The following MINDY3 variants were observed in gnomAD, a reference collection of about 807,000 sequenced individuals.
MINDY3 encodes ubiquitin carboxyl-terminal hydrolase MINDY-3.
MINDY3 carries 38 observed loss-of-function variants against 69.2 expected under a neutral mutation model. The ratio of observed to expected loss-of-function variants is 0.55; its 90% confidence interval spans 0.42 to 0.72. The LOEUF (loss-of-function observed/expected upper bound fraction) is 0.72, where lower values mean the gene tolerates loss of function less well. Ranked by LOEUF, MINDY3 falls within the 30% of genes least tolerant of loss-of-function variation. The pLI is 0.00. For synonymous variants in MINDY3, 192 were observed against 180.1 expected, an observed-to-expected ratio of 1.07 and a Z score of -0.53; for missense variants, 522 against 519.0, an observed-to-expected ratio of 1.01 and a Z score of -0.06.
At chr10:15,788,451 G>A (rs557288966) in intron 12 of MINDY3, among the ~76,000 whole-genome samples, 4 of 151,982 alleles carry the variant, frequency 2.6e-5, no homozygotes, top group South Asian at 2.1e-4. Context: ...TTCTAAAAAC[G>A]GTGTCTACCA....
chr10:15,803,116 ATTTAAACCTTGTTTAAATTTATGT>A (rs2131916304), intron 10 of MINDY3, among the ~76,000 whole-genome samples: 1 of 152,272 alleles, frequency 6.6e-6, no homozygotes, highest in Non-Finnish European at 1.5e-5. Context: ...ATGATCTTTT[ATTTAAACCTTGTTTAAATTTATGT>A]AATGTTTAAA....
chr10:15,845,831 T>A (rs964439720), intron 2 of MINDY3, among the ~76,000 whole-genome samples: 3 of 142,624 alleles, frequency 2.1e-5, no homozygotes, highest in Admixed American at 7.0e-5. Context: ...TTTTTTTTTT[T>A]TTTTTTTTTG....
At position 15,809,024 on chromosome 10, in the gene MINDY3, A is replaced by C. The variant is rs1485010630; in HGVS notation, c.882+7811T>G. 2.0e-5 allele frequency among the ~76,000 whole-genome samples: 3 copies of C among 152,200 alleles called. No homozygotes were observed. The East Asian group carries it at 5.8e-4, about 29-fold the overall frequency. ...ACATTCTAAATTCTAGTAATATTTA[A>C]AGTAGATTTTCAGATTTAAAGTGCC... On this transcript the variant is annotated intron_variant, in intron 10 of 14. Coordinates refer to ENST00000277632, the MANE Select transcript of MINDY3 (RefSeq NM_024948.4).
chr10:15,789,045 G>T, intron 12 of MINDY3: 1 of 416,560 alleles, frequency 2.4e-6, no homozygotes, highest in Non-Finnish European at 4.3e-6. Flanking sequence ...GTAATTGCTG[G>T]GTGGGAAAGG....
chr10:15,805,581 ATTAT>A (rs1838582155), intron 10 of MINDY3, among the ~76,000 whole-genome samples: 1 of 152,094 alleles, frequency 6.6e-6, no homozygotes, highest in Non-Finnish European at 1.5e-5. Context: ...TTCTAAGAGG[ATTAT>A]TTGTCACTGT....
At chr10:15,844,107 C>A (rs552295634) in intron 2 of MINDY3, among the ~76,000 whole-genome samples, 2 of 152,228 alleles carry the variant, frequency 1.3e-5, no homozygotes, top group South Asian at 4.1e-4. Context: ...CTAAAAATAA[C>A]TGTACAAACT....
At chr10:15,800,836 C>T (rs1838206839) in intron 10 of MINDY3, among the ~76,000 whole-genome samples, 1 of 152,100 alleles carries the variant, frequency 6.6e-6, no homozygotes, top group South Asian at 2.1e-4. Flanking sequence ...TTGCAAAATA[C>T]CTCCTTGTAC....
intron 8 of MINDY3, among the ~76,000 whole-genome samples, chr10:15,827,383 G>C (rs926381367): frequency 1.3e-5 from 2 of 151,386 alleles, no homozygotes; most frequent in Non-Finnish European, 3.0e-5. Flanking sequence ...CTCTACTAAA[G>C]ATACAAAATT....
intron 10 of MINDY3, among the ~76,000 whole-genome samples, chr10:15,810,277 T>C: frequency 6.6e-6 from 1 of 152,176 alleles, no homozygotes; most frequent in Admixed American, 6.6e-5. Flanking sequence ...AGTAAATTGT[T>C]CATTTCAAAA....
chr10:15,802,844 C>T (rs1472139934), intron 10 of MINDY3, among the ~76,000 whole-genome samples: 2 of 151,924 alleles, frequency 1.3e-5, no homozygotes, highest in African/African-American at 4.8e-5. Context: ...CTCTTTTGGT[C>T]TCAGTCATAT....
chr10:15,813,458 AATAAATTCTTACAGCAT>A (rs1839146961), intron 10 of MINDY3, among the ~76,000 whole-genome samples: 1 of 152,202 alleles, frequency 6.6e-6, no homozygotes, highest in African/African-American at 2.4e-5. Flanking sequence ...CCAAAACTAC[AATAAATTCTTACAGCAT>A]TATGGACCTG....
intron 10 of MINDY3, among the ~76,000 whole-genome samples, chr10:15,806,226 G>C (rs929796575): frequency 6.6e-6 from 1 of 152,124 alleles, no homozygotes; most frequent in African/African-American, 2.4e-5. Context: ...CCTATTGAGA[G>C]CAGTCTATAT....
chr10:15,820,127 A>C (rs1008261680), intron 9 of MINDY3, among the ~76,000 whole-genome samples: 3 of 152,200 alleles, frequency 2.0e-5, no homozygotes, highest in Non-Finnish European at 2.9e-5. Context: ...ATTCCTATTA[A>C]ATATTGTGGA....
At chr10:15,801,180 T>TG (rs1174998968) in intron 10 of MINDY3, among the ~76,000 whole-genome samples, 4 of 151,894 alleles carry the variant, frequency 2.6e-5, no homozygotes, top group Admixed American at 6.6e-5. Context: ...TATTCCGGCA[T>TG]GGGGGGGAAA....
intron 11 of MINDY3, among the ~76,000 whole-genome samples, chr10:15,792,806 A>G (rs1355152860): frequency 2.6e-5 from 4 of 152,092 alleles, no homozygotes; most frequent in African/African-American, 9.7e-5. Flanking sequence ...CATTATGTAT[A>G]ATGTGAAAAC....
rs542043571 is a variant in MINDY3, at chr10:15,825,526, T to C, written c.731-3800A>G. ...ACACCCAGCCTAACTGATTATCTTATATAAAAGAGAATGAAACAAACCATC... is the reference window on the plus strand; with the variant it reads ...ACACCCAGCCTAACTGATTATCTTACATAAAAGAGAATGAAACAAACCATC... On this transcript the variant is annotated intron_variant, in intron 8 of 14. Transcript: ENST00000277632. 3.3e-5 allele frequency among the ~76,000 whole-genome samples: 5 copies of C among 152,324 alleles called. No homozygotes were observed. In the East Asian group the frequency reaches 7.7e-4, roughly 23 times the overall value.
chr10:15,858,790 T>C (rs997702157), intron 1 of MINDY3, among the ~76,000 whole-genome samples: 21 of 152,186 alleles, frequency 1.4e-4, no homozygotes, highest in Non-Finnish European at 2.1e-4. Flanking sequence ...TGTTAACTGA[T>C]TACAATGGAA....
At chr10:15,786,032 A>G (rs1836932241) in intron 13 of MINDY3, among the ~76,000 whole-genome samples, 1 of 152,214 alleles carries the variant, frequency 6.6e-6, no homozygotes, top group South Asian at 2.1e-4. Flanking sequence ...AATGATGCAG[A>G]TACAACTCAA....
At chr10:15,825,738 A>G (rs1840044344) in intron 8 of MINDY3, among the ~76,000 whole-genome samples, 2 of 152,220 alleles carry the variant, frequency 1.3e-5, no homozygotes, top group African/African-American at 4.8e-5. Context: ...AAATATGTAT[A>G]CACTGTAGAA....
Sources: allele counts gnomAD v4.1 joint callset (sites outside exome capture counted in the v4.1 genomes callset), GRCh38; gene constraint gnomAD v4.1.1; transcripts MANE v1.5; gene names NCBI Gene and HGNC (gene_info 2026-07-23, HGNC 2026-07-21).